Variants in FOXJ3 observed in about 807,000 individuals in gnomAD.
The protein encoded by FOXJ3 is forkhead box J3.
In FOXJ3, 22 loss-of-function variants were observed where a neutral mutation model predicts 76.1. That is an observed-to-expected ratio of 0.29 (90% confidence interval 0.21 to 0.41). The LOEUF is 0.41. FOXJ3 is among the 10% of genes least tolerant of loss of function. FOXJ3 has a pLI of 1.00. For missense variants in FOXJ3, 613 were observed against 762.1 expected (o/e 0.80, Z 2.30); for synonymous variants, 269 against 261.2 (o/e 1.03, Z -0.29).
chr1:42,281,973 C>A (rs563573300), intron 2 of FOXJ3, among the ~76,000 whole-genome samples: 29 of 151,760 alleles, frequency 1.9e-4, no homozygotes, highest in Non-Finnish European at 3.7e-4. Flanking sequence ...GCAGGAGAAT[C>A]ACTTGAACCC....
chr1:42,235,906 T>G (rs765862506), intron 4 of FOXJ3, among the ~76,000 whole-genome samples: 1 of 152,118 alleles, frequency 6.6e-6, no homozygotes, highest in Admixed American at 6.5e-5. Flanking sequence ...CAGGTTGGTC[T>G]CAAACTCTTG....
chr1:42,258,835 A>G (rs1332033240), intron 4 of FOXJ3, among the ~76,000 whole-genome samples: 2 of 152,216 alleles, frequency 1.3e-5, no homozygotes, highest in East Asian at 3.8e-4. Flanking sequence ...ATAAAGTTTT[A>G]CTATATCATA....
intron 2 of FOXJ3, among the ~76,000 whole-genome samples, chr1:42,280,953 G>A: frequency 6.6e-6 from 1 of 152,056 alleles, no homozygotes; most frequent in East Asian, 1.9e-4. Context: ...CCATGGAGTA[G>A]AGCTTTATTT....
chr1:42,224,664 T>G (rs1049545637), intron 5 of FOXJ3, among the ~76,000 whole-genome samples: 3 of 150,070 alleles, frequency 2.0e-5, no homozygotes, highest in African/African-American at 7.4e-5. Context: ...AAAGAAAAAA[T>G]AAATAAATAA....
At chr1:42,315,319 G>T in intron 1 of FOXJ3, 2 of 556,906 alleles carry the variant, frequency 3.6e-6, no homozygotes, top group Non-Finnish European at 4.6e-6. Flanking sequence ...CTTTAAAATG[G>T]TGAACTTCAC....
At chr1:42,271,916 T>C (rs1344059566) in intron 3 of FOXJ3, among the ~76,000 whole-genome samples, 1 of 152,228 alleles carries the variant, frequency 6.6e-6, no homozygotes, top group Non-Finnish European at 1.5e-5. Context: ...AGTGCTGGGA[T>C]TATAGGCATG....
At chr1:42,277,625 G>A (rs575544393) in intron 3 of FOXJ3, among the ~76,000 whole-genome samples, 2 of 52,118 alleles carry the variant, frequency 3.8e-5, no homozygotes, top group African/African-American at 1.2e-4. Flanking sequence ...GTGAAACCCC[G>A]TCTCTACTAA....
chr1:42,267,550 A>T (rs1651559293), intron 3 of FOXJ3, among the ~76,000 whole-genome samples: 1 of 152,170 alleles, frequency 6.6e-6, no homozygotes, highest in East Asian at 1.9e-4. Flanking sequence ...TTCTACACAG[A>T]TATCTGGTCT....
At chr1:42,322,980 GA>G (rs1221061585) in intron 1 of FOXJ3, among the ~76,000 whole-genome samples, 1 of 152,050 alleles carries the variant, frequency 6.6e-6, no homozygotes, top group Non-Finnish European at 1.5e-5. Flanking sequence ...CCTATGGAGG[GA>G]AACATGTTCT....
intron 4 of FOXJ3, among the ~76,000 whole-genome samples, chr1:42,246,351 T>C (rs545136390): frequency 6.6e-6 from 1 of 151,708 alleles, no homozygotes; most frequent in Non-Finnish European, 1.5e-5. Flanking sequence ...CACGTACCCA[T>C]TAAAAAGTGG....
At chr1:42,316,349 T>TTTTTTTTTTTTTCC (rs1553169820) in intron 1 of FOXJ3, among the ~76,000 whole-genome samples, 2 of 135,090 alleles carry the variant, frequency 1.5e-5, no homozygotes, top group Admixed American at 7.7e-5. Flanking sequence ...TTTTTTTTTT[T>TTTTTTTTTTTTTCC]CTGTAGAAAC....
intron 4 of FOXJ3, among the ~76,000 whole-genome samples, chr1:42,262,579 C>T (rs1376483330): frequency 6.6e-6 from 1 of 152,112 alleles, no homozygotes; most frequent in African/African-American, 2.4e-5. Context: ...CCAGGTGCGG[C>T]AGCTCACGCC....
In FOXJ3 at chr1:42,178,376, G is replaced by A. The variant is rs2124072636; in HGVS notation, c.*1334C>T. 6.6e-6 allele frequency: 1 copy of A among 152,314 alleles called. No individual in the cohort carries two copies. Among genetic ancestry groups the A allele is most frequent in the African/African-American group, 2.4e-5 (1 of 41,568 alleles). The allele number at this position is 152,314 out of a possible 1,614,324, so 9.4% of individuals were successfully genotyped here. On this transcript the variant is annotated 3_prime_UTR_variant, in exon 13 of 13. Coordinates refer to ENST00000361346, the MANE Select transcript of FOXJ3 (RefSeq NM_014947.5). The stretch of plus-strand genomic sequence containing the variant: ...CAGAAAAATCCGATTTAACTAATAA[G>A]TCTGAATCAGCAAGAATGCCAAGAC...
chr1:42,181,812 G>GACAC (rs112821227), intron 12 of FOXJ3, 105 bp downstream of exon 12: 136,102 of 609,526 alleles, frequency 0.22, 13,564 homozygotes, highest in African/African-American at 0.41. Flanking sequence ...GGTAATAACT[G>GACAC]ACACACACAC....
At chr1:42,297,991 G>C (rs534080720) in intron 2 of FOXJ3, among the ~76,000 whole-genome samples, 1 of 151,944 alleles carries the variant, frequency 6.6e-6, no homozygotes, top group East Asian at 1.9e-4. Context: ...ATCTCACCTC[G>C]TAGTTCCCCT....
At chr1:42,186,282 G>GA (rs1196743774) in intron 11 of FOXJ3, among the ~76,000 whole-genome samples, 1 of 152,114 alleles carries the variant, frequency 6.6e-6, no homozygotes, top group African/African-American at 2.4e-5. Context: ...CAGCAGGCAT[G>GA]AAGTGATGAA....
chr1:42,324,547 C>T (rs773610978), intron 1 of FOXJ3, among the ~76,000 whole-genome samples: 4 of 151,876 alleles, frequency 2.6e-5, no homozygotes, highest in Non-Finnish European at 4.4e-5. Flanking sequence ...AGAAACGTGT[C>T]GTTAGGCGAT....
chr1:42,281,780 C>T lies in FOXJ3; in HGVS notation c.45-3108G>A, dbSNP rs147451936. Among the ~76,000 whole-genome samples the T allele has an allele frequency of 4.1e-3, 631 of 152,216 alleles. 3 individuals carry two copies. The highest frequency in any genetic ancestry group is 0.014 in the African/African-American group (585 of 41,518). Reference sequence around the variant, plus strand: ...AACTTTAGACACAAACTCATTAGGGCGGGTGCGGTGGCTCATGCCTGTAAT... The same window carrying T: ...AACTTTAGACACAAACTCATTAGGGTGGGTGCGGTGGCTCATGCCTGTAAT... On this transcript the variant is annotated intron_variant, in intron 2 of 12. Coordinates refer to ENST00000361346, the MANE Select transcript of FOXJ3 (RefSeq NM_014947.5).
chr1:42,187,221 C>T (rs1335757967), intron 11 of FOXJ3, among the ~76,000 whole-genome samples: 1 of 152,260 alleles, frequency 6.6e-6, no homozygotes, highest in Non-Finnish European at 1.5e-5. Flanking sequence ...CTATGAGCAA[C>T]ACAGGTACTT....
Sources: gnomAD v4.1 joint callset for allele counts (sites outside exome capture counted in the v4.1 genomes callset) on GRCh38, gnomAD v4.1.1 for gene constraint, MANE v1.5 for transcripts, NCBI Gene and HGNC (gene_info 2026-07-23, HGNC 2026-07-21) for gene names.